The following UBE2U variants were observed in gnomAD, a reference collection of about 807,000 sequenced individuals.
UBE2U encodes ubiquitin-conjugating enzyme E2 U.
Under a neutral mutation model 41.2 loss-of-function variants are expected in UBE2U, and 39 were observed. The observed-to-expected ratio is 0.95, with a 90% CI of 0.73 to 1.24. The LOEUF (loss-of-function observed/expected upper bound fraction) is 1.24, where lower values mean the gene tolerates loss of function less well. UBE2U is among the 50% of genes most tolerant of loss of function. UBE2U has a pLI of 0.00. For missense variants in UBE2U, 336 were observed against 363.1 expected, an observed-to-expected ratio of 0.93 and a Z score of 0.61; for synonymous variants, 107 against 117.8, an observed-to-expected ratio of 0.91 and a Z score of 0.60.
intron 8 of UBE2U, among the ~76,000 whole-genome samples, chr1:64,259,629 CT>C (rs1645150681): frequency 6.6e-6 from 1 of 151,986 alleles, no homozygotes; most frequent in Admixed American, 6.6e-5. Flanking sequence ...ATGCCACCTA[CT>C]TTTCTTCAAG....
At chr1:64,233,727 G>A (rs1566010) in intron 7 of UBE2U, among the ~76,000 whole-genome samples, 38,277 of 152,042 alleles carry the variant, frequency 0.25, 4,996 homozygotes, top group Middle Eastern at 0.39. Flanking sequence ...ACAACTTTCC[G>A]GTTCCATTTA....
At chr1:64,240,325 A>AT (rs945450704) in intron 7 of UBE2U, among the ~76,000 whole-genome samples, 6 of 152,214 alleles carry the variant, frequency 3.9e-5, no homozygotes, top group African/African-American at 1.4e-4. Context: ...CTAGAAAATC[A>AT]TATCCTAAGA....
Position 64,203,971 on chromosome 1 carries a change from G to C in UBE2U, c.-80G>C. The C allele has an allele frequency of 3.0e-6, 4 of 1,314,902 alleles. No individual in the cohort carries two copies. Among genetic ancestry groups the C allele is most frequent in the Non-Finnish European group, 4.3e-6 (4 of 928,338 alleles). 81.5% of individuals were successfully genotyped at this position (1,314,902 alleles called of 1,614,324 possible). The stretch of plus-strand genomic sequence containing the variant: ...ATATCAGTTTACTAAGTGTGGGAAA[G>C]TGACCCATAACTTCAAACATCTGCC... On this transcript the variant is annotated 5_prime_UTR_variant, in exon 1 of 10. Coordinates refer to ENST00000371077, the MANE Select transcript of UBE2U (RefSeq NM_001366232.2).
intron 8 of UBE2U, among the ~76,000 whole-genome samples, chr1:64,254,928 G>A (rs1280387378): frequency 6.6e-6 from 1 of 151,684 alleles, no homozygotes; most frequent in African/African-American, 2.4e-5. Flanking sequence ...AGATCAGAGT[G>A]GAACTGAATG....
intron 5 of UBE2U, among the ~76,000 whole-genome samples, chr1:64,216,587 A>G (rs1652031495): frequency 6.6e-6 from 1 of 152,226 alleles, no homozygotes; most frequent in African/African-American, 2.4e-5. Flanking sequence ...TCACATACGC[A>G]GGCTTGGCCC....
intron 8 of UBE2U, among the ~76,000 whole-genome samples, chr1:64,249,310 G>A (rs1283642061): frequency 1.0e-4 from 15 of 150,690 alleles, no homozygotes; most frequent in African/African-American, 3.4e-4. Flanking sequence ...CCTGGGAGGC[G>A]GAGGTTGCAG....
chr1:64,266,049 G>A (rs932104501), intron 9 of UBE2U, among the ~76,000 whole-genome samples: 10 of 152,118 alleles, frequency 6.6e-5, no homozygotes, highest in African/African-American at 2.2e-4. Context: ...CAGTGAATCC[G>A]GTGACAACTA....
intron 8 of UBE2U, among the ~76,000 whole-genome samples, chr1:64,247,696 T>C (rs1328694196): frequency 6.6e-6 from 1 of 152,014 alleles, no homozygotes; most frequent in Non-Finnish European, 1.5e-5. Flanking sequence ...AGACCTCATC[T>C]CTACAAAAAA....
At chr1:64,208,613 A>T in intron 3 of UBE2U, among the ~76,000 whole-genome samples, 1 of 10,720 alleles carries the variant, frequency 9.3e-5, no homozygotes, top group African/African-American at 2.1e-4. Flanking sequence ...CAAAAAAAAA[A>T]AAAAAAAAAA....
chr1:64,251,481 C>G (rs825169), intron 8 of UBE2U, among the ~76,000 whole-genome samples: 62,140 of 151,970 alleles, frequency 0.41, 13,579 homozygotes, highest in Middle Eastern at 0.53. Context: ...AAACTCAGAA[C>G]AGGGAGTGAA....
chr1:64,220,549 A>G (rs1459768555), intron 5 of UBE2U, among the ~76,000 whole-genome samples: 1 of 152,098 alleles, frequency 6.6e-6, no homozygotes. Context: ...TTCCAGAGGT[A>G]TCTGGCACAT....
Position 64,220,908 on chromosome 1 carries a change from G to A in UBE2U, c.506+1G>A. ...CTAAAGACCCACGTAAATGTATCAG[G>A]TAAGTTTTTCTTTATACAATTTATG... is the stretch of plus-strand genomic sequence containing the variant. On this transcript the variant is annotated splice_donor_variant, in intron 6 of 9. Coordinates refer to ENST00000371077, the MANE Select transcript of UBE2U (RefSeq NM_001366232.2). LOFTEE classifies it high-confidence loss of function. 2 of 1,600,142 alleles carry A rather than the reference G, an allele frequency of 1.2e-6. No individual in the cohort carries two copies. The highest frequency in any genetic ancestry group is 1.7e-6 in the Non-Finnish European group (2 of 1,174,498).
rs1166012339 is a variant in UBE2U, at chr1:64,237,220, G to GT, written c.596-4425dup. The stretch of plus-strand genomic sequence containing the variant: ...ATGCTGAGGCAAGTTGGTACTATTG[G>GT]TTTTTTTGGATGTGACCATCCTAGC... On this transcript the variant is annotated intron_variant, in intron 7 of 9. Coordinates refer to ENST00000371077, the MANE Select transcript of UBE2U (RefSeq NM_001366232.2). 2.7e-5 allele frequency among the ~76,000 whole-genome samples: 4 copies of GT among 147,224 alleles called. No homozygotes were observed. In the South Asian group the frequency reaches 6.6e-4, roughly 24 times the overall value.
intron 8 of UBE2U, among the ~76,000 whole-genome samples, chr1:64,259,956 A>G (rs1645156403): frequency 6.6e-6 from 1 of 151,598 alleles, no homozygotes; most frequent in African/African-American, 2.4e-5. Context: ...ATAAATAGTA[A>G]TTAGTTAAGA....
intron 7 of UBE2U, among the ~76,000 whole-genome samples, chr1:64,238,482 C>T (rs1374863080): frequency 1.3e-5 from 2 of 151,568 alleles, no homozygotes; most frequent in African/African-American, 4.8e-5. Context: ...ATAATGAGAC[C>T]TCACAAGAAC....
chr1:64,231,113 G>A (rs1025998054), intron 6 of UBE2U, among the ~76,000 whole-genome samples: 1 of 152,030 alleles, frequency 6.6e-6, no homozygotes, highest in Non-Finnish European at 1.5e-5. Context: ...ATACCTTTTA[G>A]GGTAATATTT....
intron 5 of UBE2U, among the ~76,000 whole-genome samples, chr1:64,219,610 A>T (rs1437216987): frequency 7.0e-6 from 1 of 142,818 alleles, no homozygotes; most frequent in Non-Finnish European, 1.5e-5. Context: ...TTTTAGACGG[A>T]GTCTCACTCT....
At position 64,239,092 on chromosome 1, in the gene UBE2U, GGAAGAA is replaced by G. The variant is rs1221201927; in HGVS notation, c.596-2499_596-2494del. Reference sequence around the variant, plus strand: ...AGGAAGAGGAAGAGGAAGAGGAAGAGGAAGAAGAAGAAGAAGAAGAAGAAGAAGAAG... The same window carrying G: ...AGGAAGAGGAAGAGGAAGAGGAAGAGGAAGAAGAAGAAGAAGAAGAAGAAG... On this transcript the variant is annotated intron_variant, in intron 7 of 9. Coordinates refer to ENST00000371077, the MANE Select transcript of UBE2U (RefSeq NM_001366232.2). Among the ~76,000 whole-genome samples, 283 of 42,768 alleles carry G rather than the reference GGAAGAA, an allele frequency of 6.6e-3. 2 individuals carry two copies. The highest frequency in any genetic ancestry group is 1.0e-2 in the Non-Finnish European group (229 of 22,986). The allele number at this position is 42,768 out of a possible 152,430, so 28.1% of individuals were successfully genotyped here. A position where few individuals can be genotyped will look rare whatever the true frequency, so the allele number is the denominator to read the frequency against.
intron 6 of UBE2U, among the ~76,000 whole-genome samples, chr1:64,224,334 A>G (rs1652702528): frequency 6.6e-6 from 1 of 152,200 alleles, no homozygotes; most frequent in Non-Finnish European, 1.5e-5. Flanking sequence ...TGAAAACAGA[A>G]TGTCCAACAA....
Sources: gnomAD v4.1 joint callset for allele counts (sites outside exome capture counted in the v4.1 genomes callset) on GRCh38, gnomAD v4.1.1 for gene constraint, MANE v1.5 for transcripts, NCBI Gene and HGNC (gene_info 2026-07-23, HGNC 2026-07-21) for gene names.